The following BLZF1 variants were observed in gnomAD, a reference collection of about 807,000 sequenced individuals.
BLZF1 encodes basic leucine zipper nuclear factor 1.
BLZF1 carries 39 observed loss-of-function variants against 43.8 expected under a neutral mutation model. That is an observed-to-expected ratio of 0.89 (90% CI 0.69 to 1.16). BLZF1 has a LOEUF of 1.16. Ranked by LOEUF, BLZF1 falls within the 50% of genes most tolerant of loss-of-function variation. BLZF1 has a pLI of 0.00. For missense variants in BLZF1, 449 were observed against 469.8 expected (o/e 0.96, Z 0.41); for synonymous variants, 136 against 159.4 (o/e 0.85, Z 1.11).
In BLZF1 at chr1:169,376,605, T is replaced by G. The variant is rs1320938886; in HGVS notation, c.94T>G (p.Ser32Ala). The change falls in exon 3 of 7, where the codon TCT becomes GCT. Residue 32 changes from serine (S) to alanine (A), a missense_variant. Ser to Ala is a moderately conservative substitution (Grantham distance 99). Coordinates refer to ENST00000367808, the MANE Select transcript of BLZF1 (RefSeq NM_001320973.2). ...DGMETEEPPK[S>A]VEVTSGVQSR... is the part of the protein sequence containing the mutation. ...AATGGAAACTGAGGAACCACCTAAA[T>G]CTGTTGAAGTTACCTCCGGAGTCCA... 3 of 1,613,012 alleles carry G rather than the reference T, an allele frequency of 1.9e-6. No homozygotes were observed. The highest frequency in any genetic ancestry group is 1.7e-5 in the Admixed American group (1 of 59,806).
At chr1:169,369,612 T>C in intron 2 of BLZF1, 62 bp downstream of exon 2, 3 of 1,299,690 alleles carry the variant, frequency 2.3e-6, no homozygotes, top group Non-Finnish European at 3.3e-6. Context: ...GAAGGAACGT[T>C]TGAGCCAGAT....
chr1:169,395,120 C>T lies in BLZF1; in HGVS notation c.*28-774C>T, dbSNP rs557950843. ...TAGGTGGTGCTGTAACTGTTTAGAA[C>T]GCTTAGCTTCTAGTCGGAGCTGTCT... On this transcript the variant is annotated intron_variant, in intron 7 of 7. Coordinates refer to the BLZF1 transcript ENST00000329281. The T allele has an allele frequency of 1.1e-4, 183 of 1,613,612 alleles. No homozygotes were observed. Among genetic ancestry groups the T allele is most frequent in the East Asian group, 9.1e-4 (41 of 44,850 alleles).
At chr1:169,383,353 A>T (rs1369639004) in intron 6 of BLZF1, among the ~76,000 whole-genome samples, 2 of 152,092 alleles carry the variant, frequency 1.3e-5, no homozygotes, top group Non-Finnish European at 2.9e-5. Flanking sequence ...CTCAACAGTT[A>T]TTCCTTCTCT....
chr1:169,368,830 T>C (rs974792463), intron 1 of BLZF1, among the ~76,000 whole-genome samples: 3 of 152,202 alleles, frequency 2.0e-5, no homozygotes, highest in Non-Finnish European at 2.9e-5. Context: ...TGTCATCTAG[T>C]GTACAGTTTG....
intron 6 of BLZF1, among the ~76,000 whole-genome samples, chr1:169,384,813 T>C (rs4656672): frequency 0.65 from 99,334 of 151,968 alleles, 32,806 homozygotes; most frequent in East Asian, 0.93. Flanking sequence ...TGCTCTTTAC[T>C]GTATTAAATT....
chr1:169,380,611 T>A lies in BLZF1; in HGVS notation c.797+2T>A. On this transcript the variant is annotated splice_donor_variant, in intron 5 of 6. Coordinates refer to ENST00000367808, the MANE Select transcript of BLZF1 (RefSeq NM_001320973.2). LOFTEE classifies it high-confidence loss of function. ...TCAAGAAATGATAGCTACCCAGAAGTATGGCACTTGTTTACATTCTGAACT... is the reference window on the plus strand; with the variant it reads ...TCAAGAAATGATAGCTACCCAGAAGAATGGCACTTGTTTACATTCTGAACT... 6.2e-7 allele frequency: 1 copy of A among 1,612,166 alleles called. No individual in the cohort carries two copies. The highest frequency in any genetic ancestry group is 8.5e-7 in the Non-Finnish European group (1 of 1,178,610).
chr1:169,381,919 C>T (rs1571441444), intron 5 of BLZF1, 143 bp from the exon 6 acceptor site: 6 of 661,156 alleles, frequency 9.1e-6, no homozygotes, highest in East Asian at 2.8e-5. Context: ...CTAAGACATC[C>T]GAATTTATGG....
intron 7 of BLZF1, among the ~76,000 whole-genome samples, chr1:169,394,238 T>C (rs112019396): frequency 6.6e-6 from 1 of 152,206 alleles, no homozygotes; most frequent in Admixed American, 6.5e-5. Context: ...TTATAATACA[T>C]TTTAAAATGT....
downstream of BLZF1, among the ~76,000 whole-genome samples, chr1:169,393,114 C>G (rs1315860964): frequency 6.6e-6 from 1 of 152,076 alleles, no homozygotes; most frequent in African/African-American, 2.4e-5. Context: ...TGGTTAGCGT[C>G]AGAATTGAAT....
chr1:169,371,827 A>G (rs958042039), intron 2 of BLZF1, among the ~76,000 whole-genome samples: 4 of 152,230 alleles, frequency 2.6e-5, no homozygotes, highest in Admixed American at 1.3e-4. Context: ...CCAAATAGAA[A>G]GGTCTGAGAC....
downstream of BLZF1, among the ~76,000 whole-genome samples, chr1:169,391,355 G>T (rs1409242732): frequency 6.6e-6 from 1 of 152,128 alleles, no homozygotes; most frequent in East Asian, 1.9e-4. Context: ...CCTTCAAGGG[G>T]GTCCCTGGGA....
Position 169,387,261 on chromosome 1 carries a change from C to A in BLZF1, c.*79C>A, listed in dbSNP as rs567056442. The A allele has an allele frequency of 5.3e-5, 69 of 1,307,700 alleles. 2 individuals are homozygous for A. The South Asian group carries it at 8.6e-4, about 16-fold the overall frequency. The allele number at this position is 1,307,700 out of a possible 1,614,324, so 81.0% of individuals were successfully genotyped here. Reference sequence around the variant, plus strand: ...TATTATTTGGGAGCTGGGGTTCTTACAATGCTAGAAATAATATCACTTCCT... The same window carrying A: ...TATTATTTGGGAGCTGGGGTTCTTAAAATGCTAGAAATAATATCACTTCCT... On this transcript the variant is annotated 3_prime_UTR_variant, in exon 7 of 7. Coordinates refer to ENST00000367808, the MANE Select transcript of BLZF1 (RefSeq NM_001320973.2).
chr1:169,380,365 C>T, intron 4 of BLZF1, 116 bp from the exon 5 acceptor site: 1 of 877,182 alleles, frequency 1.1e-6, no homozygotes, highest in South Asian at 2.6e-5. Context: ...TGTGAAGTAA[C>T]TATACTGTTA....
intron 1 of BLZF1, among the ~76,000 whole-genome samples, chr1:169,368,716 T>C (rs1298423912): frequency 6.6e-6 from 1 of 152,216 alleles, no homozygotes; most frequent in Non-Finnish European, 1.5e-5. Context: ...AGAGTGTAAG[T>C]GTAGAAAAGT....
chr1:169,391,573 G>C (rs776297364), downstream of BLZF1, among the ~76,000 whole-genome samples: 2 of 152,148 alleles, frequency 1.3e-5, no homozygotes, highest in Non-Finnish European at 2.9e-5. Flanking sequence ...TTCTGCAACC[G>C]GTTACAGGGA....
chr1:169,382,602 T>G (rs1654558268), intron 6 of BLZF1, among the ~76,000 whole-genome samples: 1 of 152,226 alleles, frequency 6.6e-6, no homozygotes, highest in Non-Finnish European at 1.5e-5. Flanking sequence ...TAATGTAGAT[T>G]AAATTAGTAG....
At chr1:169,390,694 TAAAA>T (rs1310873205), downstream of BLZF1, among the ~76,000 whole-genome samples, 1 of 152,060 alleles carries the variant, frequency 6.6e-6, no homozygotes, top group Admixed American at 6.5e-5. Flanking sequence ...ACAGTGCACT[TAAAA>T]AAAATTTTTT....
chr1:169,382,989 A>G (rs1025034752), intron 6 of BLZF1, among the ~76,000 whole-genome samples: 1 of 151,764 alleles, frequency 6.6e-6, no homozygotes, highest in African/African-American at 2.4e-5. Context: ...ATATTTTTTT[A>G]TGTATCTCAT....
chr1:169,377,010 AC>A (rs1557847840), intron 3 of BLZF1, 31 bp downstream of exon 3: 1 of 1,554,392 alleles, frequency 6.4e-7, no homozygotes, highest in Non-Finnish European at 8.8e-7. Context: ...TAAAATGAGT[AC>A]TACTCTTTAC....
Sources: gnomAD v4.1 joint callset for allele counts (sites outside exome capture counted in the v4.1 genomes callset) on GRCh38, gnomAD v4.1.1 for gene constraint, MANE v1.5 for transcripts, NCBI Gene and HGNC (gene_info 2026-07-23, HGNC 2026-07-21) for gene names.